DNAJC6: variants seen among roughly 807,000 people sequenced by gnomAD.
The protein encoded by DNAJC6 is auxilin.
A neutral mutation model predicts 110.0 loss-of-function variants in DNAJC6; 34 were observed. The ratio of observed to expected loss-of-function variants is 0.31; its 90% CI spans 0.24 to 0.41. The LOEUF is 0.41. DNAJC6 is among the 10% of genes least tolerant of loss of function. DNAJC6 has a pLI of 1.00. For synonymous variants in DNAJC6, 406 were observed against 437.2 expected (o/e 0.93, Z 0.89); for missense variants, 1,031 against 1,207.8 (o/e 0.85, Z 2.17).
intron 1 of DNAJC6, among the ~76,000 whole-genome samples, chr1:65,340,701 C>T (rs996533304): frequency 6.6e-6 from 1 of 152,014 alleles, no homozygotes; most frequent in African/African-American, 2.4e-5. Flanking sequence ...AAGCATTTGG[C>T]AGAAAAAAAG....
At chr1:65,378,299 A>G (rs716592) in intron 4 of DNAJC6, among the ~76,000 whole-genome samples, 103,447 of 152,064 alleles carry the variant, frequency 0.68, 36,327 homozygotes, top group African/African-American at 0.87. Flanking sequence ...AAGACTGTAT[A>G]ATCTGGCCCT....
intron 11 of DNAJC6, among the ~76,000 whole-genome samples, chr1:65,392,045 G>C (rs908426925): frequency 6.6e-6 from 1 of 152,104 alleles, no homozygotes; most frequent in African/African-American, 2.4e-5. Flanking sequence ...TAAAGTGCTG[G>C]GATTACAGGT....
At chr1:65,370,935 A>T (rs567524049) in intron 4 of DNAJC6, among the ~76,000 whole-genome samples, 1 of 152,218 alleles carries the variant, frequency 6.6e-6, no homozygotes, top group Non-Finnish European at 1.5e-5. Context: ...GAGTGGGAGA[A>T]GTTTATAGCT....
intron 1 of DNAJC6, among the ~76,000 whole-genome samples, chr1:65,299,874 A>G (rs1570240427): frequency 6.6e-6 from 1 of 151,748 alleles, no homozygotes. Context: ...ACATGCTGAA[A>G]CCCCGTCTCT....
At chr1:65,405,387 A>G (rs1030935406) in intron 15 of DNAJC6, among the ~76,000 whole-genome samples, 2 of 152,204 alleles carry the variant, frequency 1.3e-5, no homozygotes, top group African/African-American at 4.8e-5. Context: ...ATGAATCCTA[A>G]TAATTGAAGT....
chr1:65,385,146 C>A (rs1431087092), intron 6 of DNAJC6, among the ~76,000 whole-genome samples: 1 of 152,010 alleles, frequency 6.6e-6, no homozygotes, highest in East Asian at 1.9e-4. Flanking sequence ...CCTGATTTAA[C>A]AAAGGGAAAT....
chr1:65,294,065 C>G (rs1387586852), intron 1 of DNAJC6, among the ~76,000 whole-genome samples: 3 of 152,060 alleles, frequency 2.0e-5, no homozygotes. Context: ...TCATTTGTTG[C>G]TACAAAGAAA....
At chr1:65,306,282 C>T (rs543484241), upstream of DNAJC6, among the ~76,000 whole-genome samples, 27 of 152,100 alleles carry the variant, frequency 1.8e-4, no homozygotes, top group South Asian at 5.4e-3. Flanking sequence ...CTCCTGACCT[C>T]GTGATCCGCC....
At chr1:65,393,505 C>G (rs1303320458) in intron 12 of DNAJC6, among the ~76,000 whole-genome samples, 3 of 152,172 alleles carry the variant, frequency 2.0e-5, no homozygotes, top group African/African-American at 7.2e-5. Context: ...GTTTAAGTGA[C>G]TCATGCCGGA....
chr1:65,310,003 C>G, intron 1 of DNAJC6, 65 bp downstream of exon 1: 1 of 1,376,170 alleles, frequency 7.3e-7, no homozygotes, highest in Admixed American at 3.6e-5. Context: ...CCCAGTCGCC[C>G]GGCCCGAGGC....
Position 65,309,765 on chromosome 1 carries a change from A to G in DNAJC6, c.20A>G (p.Tyr7Cys). The change falls in exon 1 of 19, where the codon TAC (tyrosine) becomes TGC (cysteine). Residue 7 changes from tyrosine to cysteine, a missense_variant. By Grantham distance (194) the Tyr-to-Cys change is radical. Coordinates refer to ENST00000371069, the MANE Select transcript of DNAJC6 (RefSeq NM_001256864.2). ...TTGCCCATGAGCCTCCTCGGGAGCTACCGGAAAAAGACCAGCAACGATGGT... is the reference window on the plus strand; with the variant it reads ...TTGCCCATGAGCCTCCTCGGGAGCTGCCGGAAAAAGACCAGCAACGATGGT... MSLLGSYRKKTSNDGYE... is the reference protein window; with the variant it reads MSLLGSCRKKTSNDGYE... 1 of 1,546,740 alleles carries G rather than the reference A, an allele frequency of 6.5e-7. No individual in the cohort carries two copies. Among genetic ancestry groups the G allele is most frequent in the South Asian group, 1.2e-5 (1 of 84,002 alleles).
chr1:65,336,555 TC>T (rs1345898033), intron 1 of DNAJC6, among the ~76,000 whole-genome samples: 3 of 152,212 alleles, frequency 2.0e-5, no homozygotes, highest in African/African-American at 4.8e-5. Flanking sequence ...TCGACAATTA[TC>T]CACTAATGAG....
chr1:65,292,916 C>T (rs79260623), intron 1 of DNAJC6, among the ~76,000 whole-genome samples: 8,845 of 152,130 alleles, frequency 0.058, 848 homozygotes, highest in African/African-American at 0.2. Context: ...CTCACTCAAA[C>T]GTATGAGGCA....
rs7551930 is a variant in DNAJC6, at chr1:65,392,672, G to A, written c.1710G>A (p.Pro570=). 2.5e-3 allele frequency: 3,962 copies of A among 1,612,544 alleles called. 82 individuals carry two copies. The African/African-American group carries it at 0.044, about 18-fold the overall frequency. Residue 570 remains proline (P), a synonymous_variant, in exon 12 of 19, where the codon CCG becomes CCA. Coordinates refer to ENST00000371069, the MANE Select transcript of DNAJC6 (RefSeq NM_001256864.2). ...EGSAMSNSFS[P]PAAPPTNSEL... ...CTGCAATGAGTAACAGCTTCTCTCCGCCAGCGGCTCCTCCCACCAATTCTG... is the reference window on the plus strand; with the variant it reads ...CTGCAATGAGTAACAGCTTCTCTCCACCAGCGGCTCCTCCCACCAATTCTG...
At chr1:65,401,613 G>A (rs2101628567) in intron 14 of DNAJC6, 148 bp from the exon 15 acceptor site, 3 of 1,118,314 alleles carry the variant, frequency 2.7e-6, no homozygotes, top group Admixed American at 5.9e-5. Context: ...CCCAGGTCAG[G>A]GAAACAGGGT....
At chr1:65,381,472 C>G (rs1172673819) in intron 5 of DNAJC6, among the ~76,000 whole-genome samples, 3 of 151,486 alleles carry the variant, frequency 2.0e-5, no homozygotes, top group Non-Finnish European at 4.4e-5. Flanking sequence ...TTGCTTGAAC[C>G]TGGGAGGCGG....
intron 13 of DNAJC6, among the ~76,000 whole-genome samples, chr1:65,396,734 C>G (rs919291968): frequency 2.0e-5 from 3 of 152,168 alleles, no homozygotes; most frequent in Non-Finnish European, 4.4e-5. Flanking sequence ...CTCTCTCTCT[C>G]TATTAGAACA....
intron 18 of DNAJC6, among the ~76,000 whole-genome samples, chr1:65,411,754 G>A (rs1404291450): frequency 6.6e-6 from 1 of 151,862 alleles, no homozygotes; most frequent in African/African-American, 2.4e-5. Flanking sequence ...CGAATCGCTC[G>A]AGCCCTCAAG....
At chr1:65,307,004 CTCTCTCTCTCTCTCTATA>C (rs1372399872), upstream of DNAJC6, among the ~76,000 whole-genome samples, 2,246 of 106,722 alleles carry the variant, frequency 0.021, 44 homozygotes, top group Non-Finnish European at 0.028. Context: ...CTCTCTCTCT[CTCTCTCTCTCTCTCTATA>C]TATATATATA....
Sources: gnomAD v4.1 joint callset for allele counts (sites outside exome capture counted in the v4.1 genomes callset) on GRCh38, gnomAD v4.1.1 for gene constraint, MANE v1.5 for transcripts, NCBI Gene and HGNC (gene_info 2026-07-23, HGNC 2026-07-21) for gene names.